Variants in PTPRD observed in about 807,000 individuals in gnomAD.
PTPRD encodes receptor-type tyrosine-protein phosphatase delta.
PTPRD carries 34 observed loss-of-function variants against 214.5 expected under a neutral mutation model. The ratio of observed to expected loss-of-function variants is 0.16; its 90% CI spans 0.12 to 0.21. PTPRD has a LOEUF of 0.21. PTPRD is among the 10% of genes least tolerant of loss of function. PTPRD has a pLI of 1.00. For missense variants in PTPRD, 2,545 were observed against 2,398.7 expected, an observed-to-expected ratio of 1.06 and a Z score of -1.27; for synonymous variants, 1,128 against 845.7, an observed-to-expected ratio of 1.33 and a Z score of -5.79.
At chr9:8,398,639 G>C (rs1030217773) in intron 36 of PTPRD, among the ~76,000 whole-genome samples, 3 of 152,128 alleles carry the variant, frequency 2.0e-5, no homozygotes, top group African/African-American at 7.2e-5. Flanking sequence ...GGTGGGATTA[G>C]GATCCTTATA....
chr9:8,633,507 C>A (rs141171244), intron 13 of PTPRD, 49 bp from the exon 14 acceptor site: 1 of 1,598,708 alleles, frequency 6.3e-7, no homozygotes, highest in Non-Finnish European at 8.5e-7. Flanking sequence ...AATTGTCTAC[C>A]TCTCAGCTAA....
intron 5 of PTPRD, among the ~76,000 whole-genome samples, chr9:9,937,604 G>C (rs2090014308): frequency 1.3e-5 from 2 of 152,052 alleles, no homozygotes; most frequent in Non-Finnish European, 2.9e-5. Flanking sequence ...CTATGGAGGA[G>C]GGATTGTTGA....
At position 9,247,859 on chromosome 9, in the gene PTPRD, G is replaced by A. The variant is rs998088252; in HGVS notation, c.-202-64496C>T. Among the ~76,000 whole-genome samples, 4 of 152,072 alleles carry A rather than the reference G, an allele frequency of 2.6e-5. No homozygotes were observed. The East Asian group carries it at 5.8e-4, about 22-fold the overall frequency. ...GTGATTCTGATGCACATTGAAGTTT[G>A]AGCATGATCACCATACATTTCATTT... On this transcript the variant is annotated intron_variant, in intron 9 of 45. Transcript: ENST00000381196.
chr9:8,998,217 C>G (rs1035432419), intron 11 of PTPRD, among the ~76,000 whole-genome samples: 2 of 152,068 alleles, frequency 1.3e-5, no homozygotes, highest in Non-Finnish European at 2.9e-5. Flanking sequence ...GAAGATACAT[C>G]TAGGGCTTTC....
intron 35 of PTPRD, among the ~76,000 whole-genome samples, chr9:8,409,704 G>A (rs568709739): frequency 6.6e-6 from 1 of 152,082 alleles, no homozygotes; most frequent in Non-Finnish European, 1.5e-5. Flanking sequence ...GTTGCTCTGT[G>A]TTTCACTTTC....
At chr9:9,076,366 C>A (rs535107042) in intron 10 of PTPRD, among the ~76,000 whole-genome samples, 1 of 151,918 alleles carries the variant, frequency 6.6e-6, no homozygotes, top group Non-Finnish European at 1.5e-5. Flanking sequence ...ATGGCAGTTT[C>A]TTTTGCTGTG....
intron 3 of PTPRD, among the ~76,000 whole-genome samples, chr9:10,037,093 G>T (rs532989602): frequency 1.3e-5 from 2 of 151,462 alleles, no homozygotes; most frequent in East Asian, 3.9e-4. Context: ...GATTCACTAT[G>T]TTGCCCAGAA....
intron 12 of PTPRD, among the ~76,000 whole-genome samples, chr9:8,681,383 G>T (rs2097546925): frequency 6.6e-6 from 1 of 152,182 alleles, no homozygotes; most frequent in Admixed American, 6.5e-5. Flanking sequence ...AGAGGGCATA[G>T]ATGCAGTGGG....
At position 10,220,684 on chromosome 9, in the gene PTPRD, T is replaced by C. The variant is rs1208269525; in HGVS notation, c.-545+120279A>G. Among the ~76,000 whole-genome samples the C allele has an allele frequency of 3.9e-5, 6 of 151,966 alleles. No individual in the cohort carries two copies. In the South Asian group the frequency reaches 6.2e-4, roughly 16 times the overall value. On this transcript the variant is annotated intron_variant, in intron 3 of 45. Transcript: ENST00000381196. ...ACTTCATAGGAGCAAGAATGGTGCATTGTAAAAAGTATACGTTTTTATATT... is the reference window on the plus strand; with the variant it reads ...ACTTCATAGGAGCAAGAATGGTGCACTGTAAAAAGTATACGTTTTTATATT...
chr9:9,776,474 G>T (rs868502544), intron 5 of PTPRD, among the ~76,000 whole-genome samples: 3 of 152,052 alleles, frequency 2.0e-5, no homozygotes, highest in African/African-American at 2.4e-5. Flanking sequence ...TTCTCATCTA[G>T]CATCTAGCAT....
At chr9:10,233,630 T>C (rs957964590) in intron 3 of PTPRD, among the ~76,000 whole-genome samples, 1 of 152,012 alleles carries the variant, frequency 6.6e-6, no homozygotes, top group Non-Finnish European at 1.5e-5. Context: ...ATTGCAATCA[T>C]GCTACTTGTA....
intron 5 of PTPRD, among the ~76,000 whole-genome samples, chr9:9,828,369 C>T (rs1370170014): frequency 6.6e-6 from 1 of 151,874 alleles, no homozygotes; most frequent in Admixed American, 6.6e-5. Flanking sequence ...ATGGATGAAA[C>T]TGGAAATCAT....
chr9:10,581,404 T>A (rs2071743461), intron 2 of PTPRD, among the ~76,000 whole-genome samples: 2 of 152,212 alleles, frequency 1.3e-5, no homozygotes, highest in South Asian at 4.1e-4. Flanking sequence ...CTCATCTGTT[T>A]ATTCATAGCT....
intron 2 of PTPRD, among the ~76,000 whole-genome samples, chr9:10,478,157 A>G (rs1036275776): frequency 6.6e-6 from 1 of 152,082 alleles, no homozygotes; most frequent in African/African-American, 2.4e-5. Context: ...GAAAAAAAAA[A>G]GATTTCAATC....
chr9:8,623,080 G>A (rs1048587000), intron 14 of PTPRD, among the ~76,000 whole-genome samples: 13 of 152,028 alleles, frequency 8.6e-5, no homozygotes, highest in East Asian at 5.8e-4. Context: ...GAACATAGGA[G>A]TGACAGGTTA....
At chr9:8,607,821 T>C (rs1451382481) in intron 14 of PTPRD, among the ~76,000 whole-genome samples, 1 of 152,222 alleles carries the variant, frequency 6.6e-6, no homozygotes, top group African/African-American at 2.4e-5. Flanking sequence ...TATTACAGTT[T>C]ATTGCAAATC....
At chr9:9,768,466 G>C (rs182105179) in intron 5 of PTPRD, among the ~76,000 whole-genome samples, 41 of 152,164 alleles carry the variant, frequency 2.7e-4, no homozygotes, top group African/African-American at 9.4e-4. Flanking sequence ...CTTAGCTTAT[G>C]TTTCATTTCT....
At chr9:9,101,357 G>A (rs893102769) in intron 10 of PTPRD, among the ~76,000 whole-genome samples, 1 of 152,110 alleles carries the variant, frequency 6.6e-6, no homozygotes, top group Non-Finnish European at 1.5e-5. Context: ...ATAGACAGAT[G>A]ATGTTCTTGA....
chr9:9,102,380 G>T (rs917909519), intron 10 of PTPRD, among the ~76,000 whole-genome samples: 1 of 152,158 alleles, frequency 6.6e-6, no homozygotes, highest in African/African-American at 2.4e-5. Flanking sequence ...AGAAGAAAAT[G>T]GCCAGTTTGA....
Sources: allele counts gnomAD v4.1 joint callset (sites outside exome capture counted in the v4.1 genomes callset), GRCh38; gene constraint gnomAD v4.1.1; transcripts MANE v1.5; gene names NCBI Gene and HGNC (gene_info 2026-07-23, HGNC 2026-07-21).